Variants in MDGA2 observed in about 807,000 individuals in gnomAD.
MDGA2 encodes the protein MAM domain-containing glycosylphosphatidylinositol anchor protein 2.
Under a neutral mutation model 117.8 loss-of-function variants are expected in MDGA2, and 40 were observed. The observed-to-expected ratio is 0.34, with a 90% CI of 0.26 to 0.44. MDGA2 has a LOEUF of 0.44. Ranked by LOEUF, MDGA2 falls within the 20% of genes least tolerant of loss-of-function variation. The pLI, the probability that MDGA2 is intolerant of heterozygous loss-of-function variation, is 1.00. For missense variants in MDGA2, 1,123 were observed against 1,250.6 expected (o/e 0.90, Z 1.54); for synonymous variants, 452 against 439.0 (o/e 1.03, Z -0.37).
At chr14:47,540,540 G>GTGTGTGTGTGTATATATA in intron 1 of MDGA2, among the ~76,000 whole-genome samples, 154 of 79,196 alleles carry the variant, frequency 1.9e-3, no homozygotes, top group Non-Finnish European at 2.8e-3. Context: ...GTGTGTGTGT[G>GTGTGTGTGTGTATATATA]TATATATATA....
intron 1 of MDGA2, among the ~76,000 whole-genome samples, chr14:47,502,951 T>A (rs1329025837): frequency 6.6e-6 from 1 of 152,124 alleles, no homozygotes; most frequent in Admixed American, 6.5e-5. Context: ...AGTGCTGGAA[T>A]TATAGGCTTG....
rs538580894 is a variant in MDGA2, at chr14:47,592,607, A to G, written c.280+81910T>C. Among the ~76,000 whole-genome samples the G allele has an allele frequency of 3.6e-4, 55 of 152,330 alleles. 1 individual carries two copies. The South Asian group carries it at 0.011, about 30-fold the overall frequency. On this transcript the variant is annotated intron_variant, in intron 1 of 16. Transcript: ENST00000399232. Reference sequence around the variant, plus strand: ...TACATCTACAACAATCTGATCTTCGACAAACCTGACAAAAACAAGCAATGG... The same window carrying G: ...TACATCTACAACAATCTGATCTTCGGCAAACCTGACAAAAACAAGCAATGG...
At chr14:47,094,824 C>T (rs906651194) in intron 6 of MDGA2, among the ~76,000 whole-genome samples, 3 of 151,560 alleles carry the variant, frequency 2.0e-5, no homozygotes, top group East Asian at 1.9e-4. Flanking sequence ...AAACAAACAC[C>T]GATTACAATA....
intron 10 of MDGA2, among the ~76,000 whole-genome samples, chr14:46,885,529 C>T (rs1161675230): frequency 1.3e-5 from 2 of 152,076 alleles, no homozygotes; most frequent in African/African-American, 4.8e-5. Flanking sequence ...TATTTTCCAC[C>T]ATCAAGTAGG....
intron 10 of MDGA2, among the ~76,000 whole-genome samples, chr14:46,888,129 A>G (rs941665586): frequency 1.3e-5 from 2 of 152,016 alleles, no homozygotes; most frequent in African/African-American, 4.8e-5. Context: ...CCAAGTCTTT[A>G]ATTTAAGCTG....
chr14:47,113,565 C>G (rs8006329), intron 5 of MDGA2, among the ~76,000 whole-genome samples: 20,949 of 152,068 alleles, frequency 0.14, 1,673 homozygotes, highest in African/African-American at 0.19. Context: ...TTATCCACCA[C>G]GATCAAGTCA....
At chr14:47,037,464 T>C (rs930261152) in intron 7 of MDGA2, among the ~76,000 whole-genome samples, 4 of 152,168 alleles carry the variant, frequency 2.6e-5, no homozygotes, top group Non-Finnish European at 4.4e-5. Flanking sequence ...ATTAATAACT[T>C]TTGAGCGTTA....
intron 1 of MDGA2, among the ~76,000 whole-genome samples, chr14:47,660,447 A>G (rs1351919982): frequency 6.6e-6 from 1 of 152,210 alleles, no homozygotes. Flanking sequence ...TACTGTAGCT[A>G]AAAGCCTAAA....
intron 1 of MDGA2, among the ~76,000 whole-genome samples, chr14:47,331,674 A>G (rs889375800): frequency 6.6e-6 from 1 of 151,908 alleles, no homozygotes; most frequent in Non-Finnish European, 1.5e-5. Flanking sequence ...TTTTGCTTCC[A>G]AACTAGCCTA....
chr14:47,171,599 T>C (rs1335889355), intron 3 of MDGA2, among the ~76,000 whole-genome samples: 1 of 152,232 alleles, frequency 6.6e-6, no homozygotes, highest in African/African-American at 2.4e-5. Context: ...ACATTTTGAA[T>C]GCATGCTGCT....
At chr14:47,370,939 C>G (rs1435001829) in intron 1 of MDGA2, among the ~76,000 whole-genome samples, 1 of 151,700 alleles carries the variant, frequency 6.6e-6, no homozygotes, top group Non-Finnish European at 1.5e-5. Context: ...AACCTTATTA[C>G]AAATTCATCA....
At chr14:47,421,158 A>G (rs1892570934) in intron 1 of MDGA2, among the ~76,000 whole-genome samples, 1 of 152,102 alleles carries the variant, frequency 6.6e-6, no homozygotes, top group African/African-American at 2.4e-5. Context: ...GGTCAGTTTG[A>G]TGTAACGTAT....
chr14:47,409,098 T>C (rs1892320085), intron 1 of MDGA2, among the ~76,000 whole-genome samples: 5 of 152,118 alleles, frequency 3.3e-5, no homozygotes, highest in Admixed American at 2.6e-4. Flanking sequence ...TCATGGCCCT[T>C]GGAAACTTTA....
intron 1 of MDGA2, among the ~76,000 whole-genome samples, chr14:47,647,151 G>A (rs142111157): frequency 3.1e-4 from 47 of 152,218 alleles, no homozygotes; most frequent in Non-Finnish European, 5.9e-4. Flanking sequence ...TACGTGTCAT[G>A]CAGATTAAGT....
chr14:47,050,002 T>A (rs572209124), intron 7 of MDGA2, among the ~76,000 whole-genome samples: 1 of 152,082 alleles, frequency 6.6e-6, no homozygotes, highest in South Asian at 2.1e-4. Flanking sequence ...AATTCCTTAG[T>A]CAAATAGGTC....
At chr14:46,989,758 C>T (rs1182976053) in intron 8 of MDGA2, among the ~76,000 whole-genome samples, 2 of 151,928 alleles carry the variant, frequency 1.3e-5, no homozygotes, top group African/African-American at 4.8e-5. Context: ...CAGGACCAAA[C>T]CAGATGGCAG....
At chr14:47,012,699 G>A (rs558512850) in intron 8 of MDGA2, among the ~76,000 whole-genome samples, 13 of 152,204 alleles carry the variant, frequency 8.5e-5, no homozygotes, top group East Asian at 1.9e-4. Flanking sequence ...GTAGAAGCAG[G>A]AGGTCATATT....
intron 10 of MDGA2, among the ~76,000 whole-genome samples, chr14:46,905,126 A>C (rs750190516): frequency 6.6e-6 from 1 of 152,202 alleles, no homozygotes; most frequent in Non-Finnish European, 1.5e-5. Flanking sequence ...TTCATATTTC[A>C]TTCTCACAAT....
chr14:47,017,563 A>G (rs1888128862), intron 8 of MDGA2, among the ~76,000 whole-genome samples: 1 of 151,880 alleles, frequency 6.6e-6, no homozygotes, highest in South Asian at 2.1e-4. Flanking sequence ...GAACATTTAT[A>G]TAAATATACG....
Sources: gnomAD v4.1 joint callset for allele counts (sites outside exome capture counted in the v4.1 genomes callset) on GRCh38, gnomAD v4.1.1 for gene constraint, MANE v1.5 for transcripts, NCBI Gene and HGNC (gene_info 2026-07-23, HGNC 2026-07-21) for gene names.